NPAS3: variants seen among roughly 807,000 people sequenced by gnomAD.
NPAS3 encodes the protein neuronal PAS domain-containing protein 3.
In NPAS3, 14 loss-of-function variants were observed where a neutral mutation model predicts 73.1. That is an observed-to-expected ratio of 0.19 (90% CI 0.13 to 0.30). The LOEUF is 0.30. NPAS3 is among the 10% of genes least tolerant of loss of function. The pLI is 1.00. For missense variants in NPAS3, 1,096 were observed against 1,250.0 expected (o/e 0.88, Z 1.86); for synonymous variants, 620 against 541.5 (o/e 1.14, Z -2.01).
intron 4 of NPAS3, among the ~76,000 whole-genome samples, chr14:33,500,010 G>A (rs1482238953): frequency 6.6e-6 from 1 of 151,808 alleles, no homozygotes; most frequent in Non-Finnish European, 1.5e-5. Context: ...TTTCTCTTAC[G>A]TTCTCCCCAT....
chr14:33,341,944 G>T (rs1158575498), intron 3 of NPAS3, among the ~76,000 whole-genome samples: 1 of 152,072 alleles, frequency 6.6e-6, no homozygotes, highest in East Asian at 1.9e-4. Flanking sequence ...TAAAATTTCA[G>T]TCGTCGTTTC....
At chr14:33,497,197 G>C in intron 4 of NPAS3, among the ~76,000 whole-genome samples, 1 of 152,136 alleles carries the variant, frequency 6.6e-6, no homozygotes, top group Non-Finnish European at 1.5e-5. Flanking sequence ...CAAAGTAAGA[G>C]AGGAAACAAA....
chr14:33,143,026 A>G (rs2044110442), intron 2 of NPAS3, among the ~76,000 whole-genome samples: 1 of 152,056 alleles, frequency 6.6e-6, no homozygotes, highest in African/African-American at 2.4e-5. Context: ...AATGACTTGA[A>G]CCCGGGAGGA....
At chr14:33,671,025 CCTAAGACTGAAATATT>C (rs2059596190) in intron 5 of NPAS3, among the ~76,000 whole-genome samples, 1 of 152,022 alleles carries the variant, frequency 6.6e-6, no homozygotes. Context: ...TTATATTGTT[CCTAAGACTGAAATATT>C]CTAAAAGAAA....
intron 5 of NPAS3, among the ~76,000 whole-genome samples, chr14:33,626,764 A>ATAAG (rs2058231645): frequency 6.6e-6 from 1 of 152,184 alleles, no homozygotes; most frequent in South Asian, 2.1e-4. Context: ...TAGATAGACA[A>ATAAG]TAAGTAGAAA....
intron 4 of NPAS3, among the ~76,000 whole-genome samples, chr14:33,411,914 A>G (rs1183854456): frequency 6.6e-6 from 1 of 152,114 alleles, no homozygotes; most frequent in African/African-American, 2.4e-5. Flanking sequence ...CTTGTCTGGT[A>G]CTTTCATGGC....
At chr14:33,026,621 A>G (rs148271433) in intron 1 of NPAS3, among the ~76,000 whole-genome samples, 39 of 151,922 alleles carry the variant, frequency 2.6e-4, no homozygotes, top group Admixed American at 1.2e-3. Context: ...ATCAAGATCT[A>G]TAATCTTTCC....
At chr14:33,743,175 C>G (rs2061696931) in intron 7 of NPAS3, among the ~76,000 whole-genome samples, 1 of 152,102 alleles carries the variant, frequency 6.6e-6, no homozygotes, top group Middle Eastern at 3.2e-3. Flanking sequence ...TTTTCTTTGC[C>G]CAGATTCATC....
At chr14:33,680,758 T>G (rs764553635) in intron 6 of NPAS3, 1 of 646,420 alleles carries the variant, frequency 1.5e-6, no homozygotes, top group Non-Finnish European at 2.8e-6. Context: ...AAATCAATAC[T>G]GTACCAGGAT....
intron 3 of NPAS3, among the ~76,000 whole-genome samples, chr14:33,254,802 A>T (rs2048715564): frequency 6.6e-6 from 1 of 152,208 alleles, no homozygotes; most frequent in African/African-American, 2.4e-5. Context: ...CAAATATGAA[A>T]TGACTCGTAA....
chr14:32,941,540 T>C (rs977887229), intron 1 of NPAS3, among the ~76,000 whole-genome samples: 13 of 151,580 alleles, frequency 8.6e-5, no homozygotes, highest in Non-Finnish European at 1.8e-4. Flanking sequence ...CATTTGGCAT[T>C]CGAAGAAGGT....
At chr14:32,998,614 A>T (rs1002317050) in intron 1 of NPAS3, among the ~76,000 whole-genome samples, 1 of 152,150 alleles carries the variant, frequency 6.6e-6, no homozygotes, top group Non-Finnish European at 1.5e-5. Flanking sequence ...CCAGCTTCCT[A>T]TAGGAGACCT....
At chr14:33,425,355 G>A (rs903743145) in intron 4 of NPAS3, among the ~76,000 whole-genome samples, 2 of 151,918 alleles carry the variant, frequency 1.3e-5, no homozygotes, top group African/African-American at 4.8e-5. Context: ...GTTTTTAGAT[G>A]GCCAGGAGTT....
At chr14:33,519,596 G>A (rs192926577) in intron 4 of NPAS3, among the ~76,000 whole-genome samples, 15 of 152,186 alleles carry the variant, frequency 9.9e-5, no homozygotes, top group Admixed American at 3.3e-4. Context: ...CTCGGTCTGC[G>A]CATATGTAAA....
chr14:33,223,267 C>A (rs553636027), intron 3 of NPAS3, among the ~76,000 whole-genome samples: 1 of 152,064 alleles, frequency 6.6e-6, no homozygotes, highest in Non-Finnish European at 1.5e-5. Flanking sequence ...GCCGAGACTG[C>A]GCCTCTTCAT....
chr14:33,616,169 G>C (rs140120128), intron 5 of NPAS3, among the ~76,000 whole-genome samples: 15 of 152,308 alleles, frequency 9.8e-5, no homozygotes, highest in African/African-American at 3.4e-4. Flanking sequence ...TGGGGCTAGT[G>C]TGGTCCTGAC....
intron 2 of NPAS3, among the ~76,000 whole-genome samples, chr14:33,156,949 T>C (rs2044668252): frequency 6.6e-6 from 1 of 152,198 alleles, no homozygotes; most frequent in Non-Finnish European, 1.5e-5. Context: ...GCAGTATTTA[T>C]AAATATTGCT....
At chr14:33,683,839 A>G (rs554317446) in intron 6 of NPAS3, among the ~76,000 whole-genome samples, 32 of 152,314 alleles carry the variant, frequency 2.1e-4, no homozygotes, top group Admixed American at 7.8e-4. Flanking sequence ...TTTAGCAACA[A>G]CGCTTACCCA....
intron 3 of NPAS3, among the ~76,000 whole-genome samples, chr14:33,328,924 G>A (rs1003036350): frequency 3.3e-5 from 5 of 152,056 alleles, no homozygotes; most frequent in Non-Finnish European, 5.9e-5. Context: ...TCTCAGAATT[G>A]TTTGAGATAT....
Sources: allele counts gnomAD v4.1 joint callset (sites outside exome capture counted in the v4.1 genomes callset), GRCh38; gene constraint gnomAD v4.1.1; transcripts MANE v1.5; gene names NCBI Gene and HGNC (gene_info 2026-07-23, HGNC 2026-07-21).